The following EFHC2 variants were observed in gnomAD, a reference collection of about 807,000 sequenced individuals.
The protein encoded by EFHC2 is EF-hand domain containing 2, also known as EF-hand domain-containing family member C2.
In EFHC2, 18 loss-of-function variants were observed where a neutral mutation model predicts 52.7. That is an observed-to-expected ratio of 0.34 (90% CI 0.24 to 0.51). EFHC2 has a LOEUF of 0.51. EFHC2 is among the 20% of genes least tolerant of loss of function. The pLI, the probability that EFHC2 is intolerant of heterozygous loss-of-function variation, is 0.97. For synonymous variants in EFHC2, 203 were observed against 204.1 expected (o/e 0.99, Z 0.04); for missense variants, 513 against 562.5 (o/e 0.91, Z 0.89).
intron 1 of EFHC2, among the ~76,000 whole-genome samples, chrX:44,318,451 G>T (rs1485467026): frequency 8.9e-6 from 1 of 111,810 alleles, no homozygotes; most frequent in African/African-American, 3.3e-5. Context: ...TGAAACAGTG[G>T]GGACAGCTGC....
chrX:44,294,249 CGTGTGTGTGTGT>C (rs200162737), intron 2 of EFHC2, among the ~76,000 whole-genome samples: 4,374 of 87,413 alleles, frequency 0.05, 260 homozygotes, highest in African/African-American at 0.17. Context: ...GTATACTCAA[CGTGTGTGTGTGT>C]GTGTGTGTGT....
chrX:44,252,828 G>T (rs2037461898), intron 4 of EFHC2, among the ~76,000 whole-genome samples: 1 of 111,796 alleles, frequency 8.9e-6, no homozygotes, highest in African/African-American at 3.3e-5. Context: ...ATCTTTTTCT[G>T]GGGGTGGCTG....
At position 44,148,747 on chromosome X, in the gene EFHC2, G is replaced by T. The variant is rs1449451030; in HGVS notation, c.*48C>A. 9.7e-7 allele frequency: 1 copy of T among 1,026,881 alleles called. No homozygotes were observed. The highest frequency in any genetic ancestry group is 1.3e-6 in the Non-Finnish European group (1 of 761,234). The allele number at this position is 1,026,881 out of a possible 1,213,427, so 84.6% of individuals were successfully genotyped here. A position where few individuals can be genotyped will look rare whatever the true frequency, so the allele number is the denominator to read the frequency against. On this transcript the variant is annotated 3_prime_UTR_variant, in exon 15 of 15. Coordinates refer to ENST00000420999, the MANE Select transcript of EFHC2 (RefSeq NM_025184.4). The stretch of plus-strand genomic sequence containing the variant: ...AATTATATCTACTAAAGTAAATGTG[G>T]CAAAATGAGAGAAGTAAATCATAGA...
intron 14 of EFHC2, among the ~76,000 whole-genome samples, chrX:44,157,519 T>C (rs886474863): frequency 3.6e-5 from 4 of 111,131 alleles, no homozygotes; most frequent in Non-Finnish European, 7.6e-5. Context: ...TGAAGCAGCA[T>C]CAGGAGATCA....
chrX:44,232,719 A>C, intron 9 of EFHC2, 42 bp from the exon 10 acceptor site: 1 of 1,119,397 alleles, frequency 8.9e-7, no homozygotes, highest in Non-Finnish European at 1.2e-6. Flanking sequence ...TTTATTCTTA[A>C]AAGAACCACG....
intron 2 of EFHC2, among the ~76,000 whole-genome samples, chrX:44,279,063 C>T (rs2037682436): frequency 8.9e-6 from 1 of 112,188 alleles, no homozygotes; most frequent in Non-Finnish European, 1.9e-5. Context: ...CTTTTAAGGC[C>T]GGGCGCAGTA....
At chrX:44,300,128 G>A (rs761476387) in intron 2 of EFHC2, among the ~76,000 whole-genome samples, 3 of 78,617 alleles carry the variant, frequency 3.8e-5, no homozygotes, top group East Asian at 3.1e-4. Context: ...GTTTGAACTC[G>A]GGGGGGAAGA....
chrX:44,225,306 C>T (rs944828979), intron 11 of EFHC2, among the ~76,000 whole-genome samples: 1 of 110,785 alleles, frequency 9.0e-6, no homozygotes, highest in Non-Finnish European at 1.9e-5. Context: ...GGCTGCCTGT[C>T]CCTGCATTCC....
intron 14 of EFHC2, among the ~76,000 whole-genome samples, chrX:44,162,218 T>C (rs1316684383): frequency 9.0e-6 from 1 of 111,080 alleles, no homozygotes; most frequent in Non-Finnish European, 1.9e-5. Flanking sequence ...AGGCCGGGAG[T>C]TCGAGACCAG....
intron 2 of EFHC2, among the ~76,000 whole-genome samples, chrX:44,280,943 G>A (rs773251750): frequency 1.0e-3 from 114 of 110,771 alleles, no homozygotes; most frequent in Non-Finnish European, 1.9e-3. Flanking sequence ...TTTTTTAGAT[G>A]AAGTCTCACT....
intron 11 of EFHC2, among the ~76,000 whole-genome samples, chrX:44,215,246 G>T (rs2037135319): frequency 9.0e-6 from 1 of 110,986 alleles, no homozygotes; most frequent in African/African-American, 3.3e-5. Flanking sequence ...CTTCATAAAT[G>T]ACCCAGTCTC....
chrX:44,152,686 TTTACTAC>T (rs759211545), intron 14 of EFHC2, among the ~76,000 whole-genome samples: 9 of 107,987 alleles, frequency 8.3e-5, no homozygotes, highest in Admixed American at 2.0e-4. Flanking sequence ...AAGTTGCTAC[TTTACTAC>T]TTACTACTTA....
At chrX:44,228,076 A>G (rs916261670) in intron 11 of EFHC2, among the ~76,000 whole-genome samples, 10 of 112,461 alleles carry the variant, frequency 8.9e-5, no homozygotes, top group Non-Finnish European at 1.5e-4. Flanking sequence ...TTGTGAGGAC[A>G]ATGGCAAGCC....
At chrX:44,250,825 G>GAA (rs752731813) in intron 4 of EFHC2, among the ~76,000 whole-genome samples, 1 of 46,971 alleles carries the variant, frequency 2.1e-5, no homozygotes, top group Non-Finnish European at 4.5e-5. Context: ...ACTCCATTTC[G>GAA]AAAAAAAAAA....
rs1391762196 is a variant in EFHC2, at chrX:44,306,882, C to G, written c.231+5686G>C. Among the ~76,000 whole-genome samples the G allele has an allele frequency of 2.7e-5, 3 of 112,129 alleles. No homozygotes were observed. The Admixed American group carries it at 2.8e-4, about 11-fold the overall frequency. ...AGCAGCAAAGGAAAGGGAAATGAACCGCGCAAGCAAGGATGCATTCTCAGG... is the reference window on the plus strand; with the variant it reads ...AGCAGCAAAGGAAAGGGAAATGAACGGCGCAAGCAAGGATGCATTCTCAGG... On this transcript the variant is annotated intron_variant, in intron 2 of 14. Coordinates refer to ENST00000420999, the MANE Select transcript of EFHC2 (RefSeq NM_025184.4).
At position 44,235,453 on chromosome X, in the gene EFHC2, T is replaced by A. The variant is rs953434911; in HGVS notation, c.1281-6A>T. ...TATTGCTTTTGGAGCCATAGCTAAATGGAAGAGAAATGAGAGTTAGAGCAT... is the reference window on the plus strand; with the variant it reads ...TATTGCTTTTGGAGCCATAGCTAAAAGGAAGAGAAATGAGAGTTAGAGCAT... On this transcript the variant is annotated splice_region_variant and splice_polypyrimidine_tract_variant and intron_variant, in intron 8 of 14. Transcript: ENST00000420999. 2 of 1,183,383 alleles carry A rather than the reference T, an allele frequency of 1.7e-6. No individual in the cohort carries two copies. The highest frequency in any genetic ancestry group is 4.7e-4 in the Middle Eastern group (2 of 4,251).
intron 13 of EFHC2, among the ~76,000 whole-genome samples, chrX:44,167,117 G>C (rs370163277): frequency 1.3e-4 from 14 of 111,732 alleles, no homozygotes; most frequent in African/African-American, 4.2e-4. Flanking sequence ...GCTGCTGATG[G>C]CCTCTCTGAT....
rs1377491768 is a variant in EFHC2 at position 44,191,747 on chromosome X, C to A, written c.1752-13183G>T. 2.7e-5 allele frequency among the ~76,000 whole-genome samples: 3 copies of A among 111,845 alleles called. No individual in the cohort carries two copies. In the Admixed American group the frequency reaches 2.9e-4, roughly 11 times the overall value. ...AAGTCAGTTTCTGAGAACCTATTGA[C>A]AGCATTAAGGATTTACCATATTTGG... is the stretch of plus-strand genomic sequence containing the variant. On this transcript the variant is annotated intron_variant, in intron 11 of 14. Transcript: ENST00000420999.
chrX:44,339,932 T>C (rs1399994593), intron 1 of EFHC2, among the ~76,000 whole-genome samples: 2 of 111,887 alleles, frequency 1.8e-5, no homozygotes, highest in Non-Finnish European at 3.8e-5. Context: ...TTAAATGTAG[T>C]CACCTAATTT....
Sources: allele counts gnomAD v4.1 joint callset (sites outside exome capture counted in the v4.1 genomes callset), GRCh38; gene constraint gnomAD v4.1.1; transcripts MANE v1.5; gene names NCBI Gene and HGNC (gene_info 2026-07-23, HGNC 2026-07-21).